SLC4A4: variants seen among roughly 807,000 people sequenced by gnomAD.
SLC4A4 encodes the protein electrogenic sodium bicarbonate cotransporter 1.
SLC4A4 carries 27 observed loss-of-function variants against 111.5 expected under a neutral mutation model. That is an observed-to-expected ratio of 0.24 (90% CI 0.18 to 0.33). The LOEUF (loss-of-function observed/expected upper bound fraction) is 0.33, where lower values mean the gene tolerates loss of function less well. SLC4A4 is among the 10% of genes least tolerant of loss of function. The pLI is 1.00. For missense variants in SLC4A4, 909 were observed against 1,315.5 expected, an observed-to-expected ratio of 0.69 and a Z score of 4.78; for synonymous variants, 443 against 463.4, an observed-to-expected ratio of 0.96 and a Z score of 0.57.
At chr4:71,070,376 C>G (rs773597877) in intron 1 of SLC4A4, among the ~76,000 whole-genome samples, 5 of 152,096 alleles carry the variant, frequency 3.3e-5, no homozygotes, top group Admixed American at 6.6e-5. Context: ...CCTTGTCAGA[C>G]GAGTCTACAA....
At chr4:71,481,068 C>A (rs1728835270) in intron 14 of SLC4A4, among the ~76,000 whole-genome samples, 2 of 151,602 alleles carry the variant, frequency 1.3e-5, no homozygotes, top group South Asian at 4.2e-4. Flanking sequence ...TGCACAGTAA[C>A]CTTATGAGGT....
intron 7 of SLC4A4, among the ~76,000 whole-genome samples, chr4:71,423,318 A>G (rs1722749225): frequency 1.3e-5 from 2 of 152,138 alleles, no homozygotes; most frequent in South Asian, 2.1e-4. Flanking sequence ...ACTACAAACC[A>G]CTGCTCAATG....
intron 15 of SLC4A4, among the ~76,000 whole-genome samples, chr4:71,488,867 G>A (rs1729644741): frequency 6.9e-6 from 1 of 145,952 alleles, no homozygotes; most frequent in Admixed American, 7.0e-5. Context: ...GCACCTCTAG[G>A]GAAAGAAGTT....
intron 2 of SLC4A4, among the ~76,000 whole-genome samples, chr4:71,148,162 T>G (rs754460972): frequency 2.0e-5 from 3 of 152,208 alleles, no homozygotes; most frequent in Non-Finnish European, 2.9e-5. Context: ...GGCCTCTGCC[T>G]GAGCAGTGAC....
chr4:71,474,117 CAA>C (rs55943109), intron 14 of SLC4A4, among the ~76,000 whole-genome samples: 95,465 of 121,186 alleles, frequency 0.79, 36,706 homozygotes, highest in Non-Finnish European at 0.86. Context: ...AAGACCCTGT[CAA>C]AAAAAAAAAA....
At position 71,440,781 on chromosome 4, in the gene SLC4A4, G is replaced by C. The variant is rs774709507; in HGVS notation, c.965+8G>C. 1.2e-6 allele frequency: 2 copies of C among 1,613,888 alleles called. No individual in the cohort carries two copies. The highest frequency in any genetic ancestry group is 1.7e-6 in the Non-Finnish European group (2 of 1,179,948). ...AGTTCCTGTGCCCACAAGGTAAGCT[G>C]CTCTCCTACCTGGGGTCTACAATGT... On this transcript the variant is annotated splice_region_variant and intron_variant, in intron 8 of 25. Coordinates refer to ENST00000264485, the MANE Select transcript of SLC4A4 (RefSeq NM_001098484.3).
intron 2 of SLC4A4, among the ~76,000 whole-genome samples, chr4:71,099,927 C>A (rs1015086344): frequency 6.6e-6 from 1 of 152,086 alleles, no homozygotes; most frequent in Non-Finnish European, 1.5e-5. Flanking sequence ...CCTGAAGAGA[C>A]CAATAATGAG....
chr4:71,377,900 C>T (rs1732556773), intron 6 of SLC4A4, among the ~76,000 whole-genome samples: 1 of 152,156 alleles, frequency 6.6e-6, no homozygotes, highest in Non-Finnish European at 1.5e-5. Flanking sequence ...TTTAATTAGA[C>T]TTACAGTTTC....
chr4:71,137,781 T>G (rs1743884036), intron 2 of SLC4A4, among the ~76,000 whole-genome samples: 1 of 152,228 alleles, frequency 6.6e-6, no homozygotes, highest in African/African-American at 2.4e-5. Context: ...AAGTCCATTG[T>G]GTTAACTCAA....
At chr4:71,251,844 T>G (rs1487221829) in intron 2 of SLC4A4, among the ~76,000 whole-genome samples, 2 of 152,174 alleles carry the variant, frequency 1.3e-5, no homozygotes, top group Non-Finnish European at 2.9e-5. Flanking sequence ...GTGGAGAATT[T>G]TTTTTTAGCC....
At chr4:71,315,462 A>G (rs913175607) in intron 3 of SLC4A4, among the ~76,000 whole-genome samples, 1 of 152,164 alleles carries the variant, frequency 6.6e-6, no homozygotes, top group Non-Finnish European at 1.5e-5. Context: ...AGAGTTGGTC[A>G]TACTTACCTG....
intron 4 of SLC4A4, among the ~76,000 whole-genome samples, chr4:71,343,487 C>G (rs1392108326): frequency 3.9e-5 from 6 of 152,186 alleles, no homozygotes; most frequent in African/African-American, 1.2e-4. Flanking sequence ...AACTTCAGAT[C>G]TACTCTTCCT....
chr4:71,481,251 TACATAAAAGCAGACAGATATG>T, intron 14 of SLC4A4, among the ~76,000 whole-genome samples: 1 of 151,880 alleles, frequency 6.6e-6, no homozygotes, highest in East Asian at 1.9e-4. Flanking sequence ...TATTAGGTGA[TACATAAAAGCAGACAGATATG>T]ACCTTAGTGA....
chr4:71,543,622 C>G (rs749364110), intron 18 of SLC4A4, among the ~76,000 whole-genome samples: 2 of 151,990 alleles, frequency 1.3e-5, no homozygotes, highest in African/African-American at 4.8e-5. Context: ...CAGAAAGCAT[C>G]GAGATGATGC....
Position 71,078,722 on chromosome 4 carries a change from G to A in SLC4A4, c.-64-14008G>A, listed in dbSNP as rs62303613. 3.0e-3 allele frequency among the ~76,000 whole-genome samples: 454 copies of A among 152,254 alleles called. 4 individuals carry two copies. Among genetic ancestry groups the A allele is most frequent in the Non-Finnish European group, 5.1e-3 (349 of 68,018 alleles). ...TCTGAGTGCTAGGAAGGGCTCGGTC[G>A]TAAAACGATAAGGAGATATTTTCAT... On this transcript the variant is annotated intron_variant, in intron 1 of 26. Transcript: ENST00000649996.
At chr4:71,147,681 C>G (rs1744214823) in intron 2 of SLC4A4, among the ~76,000 whole-genome samples, 1 of 152,126 alleles carries the variant, frequency 6.6e-6, no homozygotes, top group Non-Finnish European at 1.5e-5. Flanking sequence ...CATCACATTT[C>G]AGAACACAGA....
At chr4:71,201,418 C>T (rs899134505) in intron 1 of SLC4A4, among the ~76,000 whole-genome samples, 6 of 152,140 alleles carry the variant, frequency 3.9e-5, no homozygotes, top group African/African-American at 7.2e-5. Flanking sequence ...TTGAGCTGAG[C>T]GTCATCAATG....
chr4:71,087,370 G>A (rs758589469), intron 1 of SLC4A4, among the ~76,000 whole-genome samples: 11 of 151,722 alleles, frequency 7.3e-5, no homozygotes, highest in African/African-American at 1.9e-4. Flanking sequence ...TGGATTCATT[G>A]ATTTTTTGAA....
chr4:71,291,309 C>A (rs1960103), intron 3 of SLC4A4, among the ~76,000 whole-genome samples: 1 of 151,966 alleles, frequency 6.6e-6, no homozygotes, highest in Non-Finnish European at 1.5e-5. Context: ...TGCACATGTA[C>A]CCTAAAACTT....
Sources: allele counts gnomAD v4.1 joint callset (sites outside exome capture counted in the v4.1 genomes callset), GRCh38; gene constraint gnomAD v4.1.1; transcripts MANE v1.5; gene names NCBI Gene and HGNC (gene_info 2026-07-23, HGNC 2026-07-21).